Variants in JPH3 observed in about 807,000 individuals in gnomAD.
JPH3 encodes junctophilin 3, also known as junctophilin-3.
In JPH3, 11 loss-of-function variants were observed where a neutral mutation model predicts 59.6. That is an observed-to-expected ratio of 0.18 (90% CI 0.12 to 0.31). The LOEUF (loss-of-function observed/expected upper bound fraction) is 0.31. Ranked by LOEUF, JPH3 falls within the 10% of genes least tolerant of loss-of-function variation. The probability of loss-of-function intolerance (pLI) is 1.00; values close to 1 mark genes in which losing one functional copy is unlikely to be tolerated. For missense variants in JPH3, 1,202 were observed against 1,105.7 expected, an observed-to-expected ratio of 1.09 and a Z score of -1.24; for synonymous variants, 673 against 483.6, an observed-to-expected ratio of 1.39 and a Z score of -5.14.
chr16:87,649,053 G>T (rs746037022), intron 2 of JPH3, among the ~76,000 whole-genome samples: 3 of 152,244 alleles, frequency 2.0e-5, no homozygotes, highest in Non-Finnish European at 4.4e-5. Flanking sequence ...CCCAGCAAGG[G>T]TGTGGCAGTG....
intron 2 of JPH3, among the ~76,000 whole-genome samples, chr16:87,657,205 A>G (rs912137658): frequency 6.6e-5 from 10 of 152,206 alleles, no homozygotes; most frequent in African/African-American, 2.2e-4. Flanking sequence ...AATAAAAAGG[A>G]GGAGGCCAAA....
chr16:87,668,031 C>T (rs1177691085), intron 2 of JPH3, among the ~76,000 whole-genome samples: 3 of 152,298 alleles, frequency 2.0e-5, no homozygotes, highest in Non-Finnish European at 4.4e-5. Context: ...CTTCTGGCTT[C>T]GTCGATCTGG....
intron 1 of JPH3, among the ~76,000 whole-genome samples, chr16:87,622,580 C>T: frequency 6.6e-6 from 1 of 152,242 alleles, no homozygotes; most frequent in Non-Finnish European, 1.5e-5. Flanking sequence ...GGAGAGCTCT[C>T]CCTTCTGCGA....
At chr16:87,683,199 C>T (rs2033337151) in intron 2 of JPH3, among the ~76,000 whole-genome samples, 1 of 152,240 alleles carries the variant, frequency 6.6e-6, no homozygotes, top group African/African-American at 2.4e-5. Context: ...TGGCAGGAAG[C>T]ACAGACACAC....
chr16:87,620,798 C>T lies in JPH3; in HGVS notation c.382+17270C>T, dbSNP rs148224702. Among the ~76,000 whole-genome samples, 1,436 of 152,328 alleles carry T rather than the reference C, an allele frequency of 9.4e-3. 33 individuals carry two copies. Among genetic ancestry groups the T allele is most frequent in the African/African-American group, 0.031 (1,309 of 41,576 alleles). Reference sequence around the variant, plus strand: ...CTGCTGTTGGGGCGGCACTGGGCCTCCCTGCCCGCCTGCCTCAGTCTGGCC... The same window carrying T: ...CTGCTGTTGGGGCGGCACTGGGCCTTCCTGCCCGCCTGCCTCAGTCTGGCC... On this transcript the variant is annotated intron_variant, in intron 1 of 4. Coordinates refer to ENST00000284262, the MANE Select transcript of JPH3 (RefSeq NM_020655.4).
Position 87,693,211 on chromosome 16 carries a change from G to A in JPH3, c.2166+2685G>A, listed in dbSNP as rs574423570. Among the ~76,000 whole-genome samples the A allele has an allele frequency of 7.2e-5, 11 of 152,334 alleles. No individual in the cohort carries two copies. The South Asian group carries it at 1.7e-3, about 23-fold the overall frequency. On this transcript the variant is annotated intron_variant, in intron 4 of 4. Coordinates refer to ENST00000284262, the MANE Select transcript of JPH3 (RefSeq NM_020655.4). Reference sequence around the variant, plus strand: ...CATCTGCGCCTCAGGTCCCTGATAGGCTGGGAGGTTGCGGAGGGTGTGGGC... The same window carrying A: ...CATCTGCGCCTCAGGTCCCTGATAGACTGGGAGGTTGCGGAGGGTGTGGGC...
intron 1 of JPH3, among the ~76,000 whole-genome samples, chr16:87,613,373 A>C (rs1478419580): frequency 6.6e-6 from 1 of 151,678 alleles, no homozygotes; most frequent in East Asian, 1.9e-4. Flanking sequence ...TGCTGGAATT[A>C]CAGGTAGCGT....
intron 1 of JPH3, among the ~76,000 whole-genome samples, chr16:87,621,354 G>A (rs767206931): frequency 2.0e-5 from 3 of 152,286 alleles, no homozygotes; most frequent in Non-Finnish European, 2.9e-5. Flanking sequence ...GAGGGGGTTC[G>A]GGACAGGAAC....
intron 1 of JPH3, among the ~76,000 whole-genome samples, chr16:87,631,984 T>C (rs1322946172): frequency 6.6e-6 from 1 of 152,226 alleles, no homozygotes. Context: ...TGATTCCCCC[T>C]CTTTTTTCCC....
chr16:87,687,949 C>T (rs79182950), intron 3 of JPH3, among the ~76,000 whole-genome samples: 3,922 of 152,224 alleles, frequency 0.026, 161 homozygotes, highest in African/African-American at 0.088. Flanking sequence ...GGAGGAGGTA[C>T]GATGTGGGTG....
intron 1 of JPH3, among the ~76,000 whole-genome samples, chr16:87,639,671 T>G (rs1427454660): frequency 7.7e-6 from 1 of 130,014 alleles, no homozygotes; most frequent in African/African-American, 2.7e-5. Context: ...CTCCCTCCTG[T>G]CCTCCCTCCT....
In JPH3 at chr16:87,603,113, C is replaced by T. The variant is rs1241913003; in HGVS notation, c.-34C>T. 3 of 1,613,448 alleles carry T rather than the reference C, an allele frequency of 1.9e-6. No individual in the cohort carries two copies. The highest frequency in any genetic ancestry group is 2.2e-5 in the South Asian group (2 of 91,024). ...TGTGTCGATCGCCTGAGTCCGTTTT[C>T]ACCGTTTGCGGGATCTGGAACCGAG... On this transcript the variant is annotated 5_prime_UTR_variant, in exon 1 of 5. Transcript: ENST00000284262.
rs114374485 is a variant in JPH3 at position 87,652,877 on chromosome 16, A to G, written c.1160+7842A>G. On this transcript the variant is annotated intron_variant, in intron 2 of 4. Transcript: ENST00000284262. ...GTGACAAGTCCTGGGCACCTCTGCCACTCTTCTTCCTGCCCTGCACCCACT... is the reference window on the plus strand; with the variant it reads ...GTGACAAGTCCTGGGCACCTCTGCCGCTCTTCTTCCTGCCCTGCACCCACT... Among the ~76,000 whole-genome samples, 733 of 152,106 alleles carry G rather than the reference A, an allele frequency of 4.8e-3. 12 individuals carry two copies. Among genetic ancestry groups the G allele is most frequent in the African/African-American group, 0.017 (708 of 41,514 alleles).
chr16:87,608,348 T>G (rs2030604998), intron 1 of JPH3, among the ~76,000 whole-genome samples: 1 of 152,212 alleles, frequency 6.6e-6, no homozygotes, highest in African/African-American at 2.4e-5. Flanking sequence ...TGTAACGCCC[T>G]TTGTGTCCTT....
At chr16:87,637,411 A>T (rs202220541) in intron 1 of JPH3, among the ~76,000 whole-genome samples, 118 of 112,048 alleles carry the variant, frequency 1.1e-3, no homozygotes, top group African/African-American at 3.8e-3. Flanking sequence ...AGAGAGAGAG[A>T]GTGTGTGTGT....
At chr16:87,683,576 T>A (rs1178983412) in intron 2 of JPH3, among the ~76,000 whole-genome samples, 1 of 152,000 alleles carries the variant, frequency 6.6e-6, no homozygotes, top group Non-Finnish European at 1.5e-5. Context: ...AGTGCTGGGA[T>A]TACAGGCGTG....
At chr16:87,614,434 A>T (rs2030863806) in intron 1 of JPH3, among the ~76,000 whole-genome samples, 1 of 150,982 alleles carries the variant, frequency 6.6e-6, no homozygotes, top group Admixed American at 6.6e-5. Context: ...TGTTCACAGG[A>T]GGAGCTGTGC....
In JPH3 at chr16:87,685,422, C is replaced by T. The variant is rs532215382; in HGVS notation, c.1285+1156C>T. 2.6e-5 allele frequency among the ~76,000 whole-genome samples: 4 copies of T among 152,398 alleles called. No individual in the cohort carries two copies. In the South Asian group the frequency reaches 8.3e-4, roughly 32 times the overall value. On this transcript the variant is annotated intron_variant, in intron 3 of 4. Transcript: ENST00000284262. Reference sequence around the variant, plus strand: ...GGCCACGTGCCCCTGTGGCCATTGGCATCCTCCATGGTCTCGCCCTCAGGC... The same window carrying T: ...GGCCACGTGCCCCTGTGGCCATTGGTATCCTCCATGGTCTCGCCCTCAGGC...
chr16:87,673,569 G>GA (rs1286065214), intron 2 of JPH3, among the ~76,000 whole-genome samples: 1 of 152,168 alleles, frequency 6.6e-6, no homozygotes, highest in Non-Finnish European at 1.5e-5. Flanking sequence ...TCTAATAGGA[G>GA]AACATGGAAG....
Sources: gnomAD v4.1 joint callset for allele counts (sites outside exome capture counted in the v4.1 genomes callset) on GRCh38, gnomAD v4.1.1 for gene constraint, MANE v1.5 for transcripts, NCBI Gene and HGNC (gene_info 2026-07-23, HGNC 2026-07-21) for gene names.